Variants in SFMBT2 observed in about 807,000 individuals in gnomAD.
SFMBT2 encodes the protein scm-like with four MBT domains protein 2.
Under a neutral mutation model 110.1 loss-of-function variants are expected in SFMBT2, and 38 were observed. That is an observed-to-expected ratio of 0.35 (90% CI 0.27 to 0.45). The LOEUF (loss-of-function observed/expected upper bound fraction) is 0.45, where lower values mean the gene tolerates loss of function less well. Ranked by LOEUF, SFMBT2 falls within the 20% of genes least tolerant of loss-of-function variation. SFMBT2 has a pLI of 1.00. For missense variants in SFMBT2, 1,011 were observed against 1,094.9 expected, an observed-to-expected ratio of 0.92 and a Z score of 1.08; for synonymous variants, 425 against 425.4, an observed-to-expected ratio of 1.00 and a Z score of 0.01.
intron 6 of SFMBT2, among the ~76,000 whole-genome samples, chr10:7,278,541 G>A (rs1841852253): frequency 6.6e-6 from 1 of 152,190 alleles, no homozygotes; most frequent in South Asian, 2.1e-4. Flanking sequence ...ATGGGACAGG[G>A]ACCATAAACA....
intron 4 of SFMBT2, among the ~76,000 whole-genome samples, chr10:7,344,690 G>A (rs1844047825): frequency 6.6e-6 from 1 of 152,054 alleles, no homozygotes; most frequent in Non-Finnish European, 1.5e-5. Context: ...CTATGGGCCA[G>A]GCGCGGTGGC....
At chr10:7,233,707 A>T (rs1237752027) in intron 9 of SFMBT2, among the ~76,000 whole-genome samples, 1 of 152,226 alleles carries the variant, frequency 6.6e-6, no homozygotes. Flanking sequence ...GCATTTTTGC[A>T]ATGCCTTACT....
chr10:7,338,793 C>T (rs545606544), intron 4 of SFMBT2, among the ~76,000 whole-genome samples: 2 of 152,172 alleles, frequency 1.3e-5, no homozygotes, highest in South Asian at 2.1e-4. Context: ...TCCCCATTCC[C>T]CAGCGGACAC....
At chr10:7,184,200 G>C (rs1838329682) in intron 16 of SFMBT2, among the ~76,000 whole-genome samples, 1 of 152,128 alleles carries the variant, frequency 6.6e-6, no homozygotes, top group Admixed American at 6.5e-5. Context: ...GGTATGTTTT[G>C]GCTGTGTCCC....
chr10:7,334,785 CG>C (rs1249601857), intron 4 of SFMBT2, among the ~76,000 whole-genome samples: 1 of 152,200 alleles, frequency 6.6e-6, no homozygotes, highest in Non-Finnish European at 1.5e-5. Flanking sequence ...GGCTGCCTTG[CG>C]GAACTCAGCT....
intron 14 of SFMBT2, among the ~76,000 whole-genome samples, chr10:7,199,335 T>C (rs1433105371): frequency 6.6e-6 from 1 of 151,958 alleles, no homozygotes; most frequent in Non-Finnish European, 1.5e-5. Context: ...GCTAAGGGAG[T>C]CACCGCCCCC....
chr10:7,229,510 AGAGGTTGCAGTGAGGTG>A (rs561115926), intron 9 of SFMBT2, among the ~76,000 whole-genome samples: 122 of 149,894 alleles, frequency 8.1e-4, no homozygotes, highest in African/African-American at 2.9e-3. Flanking sequence ...CCCGTGAGGC[AGAGGTTGCAGTGAGGTG>A]GAGGTTGCAG....
At chr10:7,189,285 A>T in intron 15 of SFMBT2, 1 of 608,408 alleles carries the variant, frequency 1.6e-6, no homozygotes, top group Non-Finnish European at 2.1e-6. Flanking sequence ...GAATATTTTA[A>T]AAGAGAGTCT....
At chr10:7,406,197 G>GT (rs1397127428) in intron 1 of SFMBT2, among the ~76,000 whole-genome samples, 1 of 151,766 alleles carries the variant, frequency 6.6e-6, no homozygotes, top group East Asian at 1.9e-4. Flanking sequence ...TAGTATACTA[G>GT]AACTGTAGGT....
chr10:7,228,818 T>C (rs1458450198), intron 9 of SFMBT2, among the ~76,000 whole-genome samples: 1 of 149,868 alleles, frequency 6.7e-6, no homozygotes, highest in Non-Finnish European at 1.5e-5. Context: ...TTGTATTCAC[T>C]TCATTTTTGG....
chr10:7,188,055 A>C (rs1187942362), intron 16 of SFMBT2, among the ~76,000 whole-genome samples: 1 of 152,242 alleles, frequency 6.6e-6, no homozygotes, highest in Non-Finnish European at 1.5e-5. Context: ...TCAGAGGTCA[A>C]GAAACCTAAA....
At chr10:7,240,609 C>A (rs1467841046) in intron 9 of SFMBT2, among the ~76,000 whole-genome samples, 1 of 152,086 alleles carries the variant, frequency 6.6e-6, no homozygotes, top group East Asian at 1.9e-4. Flanking sequence ...CACCTTCCTG[C>A]ACTCTCAACG....
At chr10:7,215,655 C>T (rs1839511344) in intron 11 of SFMBT2, 1 of 985,310 alleles carries the variant, frequency 1.0e-6, no homozygotes, top group Admixed American at 6.1e-5. Flanking sequence ...AGAGGCAGCA[C>T]AGAACCCTGC....
chr10:7,230,661 G>A (rs955872610), intron 9 of SFMBT2, among the ~76,000 whole-genome samples: 4 of 152,112 alleles, frequency 2.6e-5, no homozygotes, highest in Middle Eastern at 3.2e-3. Context: ...GTCTGGGTGC[G>A]GTGGCTCACA....
At chr10:7,377,078 A>AG (rs1230805373) in intron 2 of SFMBT2, among the ~76,000 whole-genome samples, 1 of 148,072 alleles carries the variant, frequency 6.8e-6, no homozygotes, top group East Asian at 2.1e-4. Flanking sequence ...CTGAGGCAGG[A>AG]GGATCACTTG....
Position 7,163,968 on chromosome 10 carries a change from G to A in SFMBT2, c.2545-58C>T. The A allele has an allele frequency of 1.3e-6, 2 of 1,551,984 alleles. No homozygotes were observed. Among genetic ancestry groups the A allele is most frequent in the Middle Eastern group, 1.9e-4 (1 of 5,304 alleles). ...GCAGTGTGCACTGGGGTACACAGAT[G>A]CGTCACAGCAGGCTCCAGTCCGGGG... is the stretch of plus-strand genomic sequence containing the variant. On this transcript the variant is annotated intron_variant, in intron 20 of 20. Coordinates refer to ENST00000397167, the MANE Select transcript of SFMBT2 (RefSeq NM_001387889.1). This position sits in a 1 kb window ranked among gnomAD's most constrained non-coding sequence, Gnocchi z 4.8.
intron 9 of SFMBT2, among the ~76,000 whole-genome samples, chr10:7,237,494 C>A (rs1840293717): frequency 1.3e-5 from 2 of 152,132 alleles, no homozygotes; most frequent in South Asian, 2.1e-4. Context: ...ACTGGTAAGG[C>A]ATAAACAAAG....
intron 9 of SFMBT2, chr10:7,241,308 T>C (rs1254829995): frequency 7.1e-6 from 7 of 979,862 alleles, no homozygotes; most frequent in African/African-American, 1.7e-5. Context: ...ACTGAACTAA[T>C]GATATTTACC....
chr10:7,191,334 A>C (rs1219301828), intron 15 of SFMBT2, among the ~76,000 whole-genome samples: 1 of 152,174 alleles, frequency 6.6e-6, no homozygotes, highest in African/African-American at 2.4e-5. Flanking sequence ...GTGAGAGCAC[A>C]TGGCCGAAAC....
Sources: gnomAD v4.1 joint callset for allele counts (sites outside exome capture counted in the v4.1 genomes callset) on GRCh38, gnomAD v4.1.1 for gene constraint, Gnocchi (gnomAD v3.1) non-coding constraint, MANE v1.5 for transcripts, NCBI Gene and HGNC (gene_info 2026-07-23, HGNC 2026-07-21) for gene names.